Variants in PCDHGA2 observed in about 807,000 individuals in gnomAD.
The protein encoded by PCDHGA2 is protocadherin gamma subfamily A, 2, also known as protocadherin gamma-A2.
In PCDHGA2, 40 loss-of-function variants were observed where a neutral mutation model predicts 59.2. The observed-to-expected ratio is 0.68, with a 90% CI of 0.52 to 0.88. PCDHGA2 has a LOEUF of 0.88. Ranked by LOEUF, PCDHGA2 falls within the 40% of genes least tolerant of loss-of-function variation. The pLI is 0.00. For synonymous variants in PCDHGA2, 560 were observed against 526.0 expected, an observed-to-expected ratio of 1.06 and a Z score of -0.89; for missense variants, 1,226 against 1,204.0, an observed-to-expected ratio of 1.02 and a Z score of -0.27.
In PCDHGA2 at chr5:141,476,012, T is replaced by C. The variant is rs2099383969; in HGVS notation, c.2425-18795T>C. The stretch of plus-strand genomic sequence containing the variant: ...CAAATCAACGGCATCCAGAAAGCCA[T>C]GTCGGACTCGGCGCCCAGCGCCCAA... On this transcript the variant is annotated intron_variant, in intron 1 of 3. Coordinates refer to ENST00000394576, the MANE Select transcript of PCDHGA2 (RefSeq NM_018915.4). This position sits in a 1 kb window ranked among gnomAD's most constrained non-coding sequence, Gnocchi z 7.6. 7.6e-7 allele frequency: 1 copy of C among 1,317,178 alleles called. No individual in the cohort carries two copies. The highest frequency in any genetic ancestry group is 1.4e-5 in the South Asian group (1 of 69,696). The allele number at this position is 1,317,178 out of a possible 1,614,324, so 81.6% of individuals were successfully genotyped here. A position where few individuals can be genotyped will look rare whatever the true frequency, so the allele number is the denominator to read the frequency against.
chr5:141,481,970 A>G (rs2099549884), intron 1 of PCDHGA2, among the ~76,000 whole-genome samples: 1 of 151,510 alleles, frequency 6.6e-6, no homozygotes, highest in Non-Finnish European at 1.5e-5. Flanking sequence ...CTGTAGTCAC[A>G]GCTACTTGGG....
In PCDHGA2 at chr5:141,489,493, G is replaced by C. The variant is rs1485293604; in HGVS notation, c.2425-5314G>C. 3 of 1,614,078 alleles carry C rather than the reference G, an allele frequency of 1.9e-6. No homozygotes were observed. The South Asian group carries it at 3.3e-5, about 18-fold the overall frequency. On this transcript the variant is annotated intron_variant, in intron 1 of 3. Coordinates refer to ENST00000394576, the MANE Select transcript of PCDHGA2 (RefSeq NM_018915.4). This position sits in a 1 kb window ranked among gnomAD's most constrained non-coding sequence, Gnocchi z 4.5. Reference sequence around the variant, plus strand: ...CCTGAGCTTGATGAGTGGTGCCCTGGCAGTGAATCAAAAGATTGACCGAGA... The same window carrying C: ...CCTGAGCTTGATGAGTGGTGCCCTGCCAGTGAATCAAAAGATTGACCGAGA...
chr5:141,505,602 A>G lies in PCDHGA2; in HGVS notation c.2572+121A>G, dbSNP rs1041288927. 4.6e-5 allele frequency: 71 copies of G among 1,534,990 alleles called. 1 individual carries two copies. In the Admixed American group the frequency reaches 1.4e-3, roughly 30 times the overall value. On this transcript the variant is annotated intron_variant, in intron 3 of 3. Coordinates refer to ENST00000394576, the MANE Select transcript of PCDHGA2 (RefSeq NM_018915.4). ...GTGTAGTTTCTCCAGATCTTTCGGC[A>G]GGTCTGAAAGGACCCACAATTCCAA...
chr5:141,437,715 C>T (rs2097903335), intron 1 of PCDHGA2, among the ~76,000 whole-genome samples: 1 of 151,772 alleles, frequency 6.6e-6, no homozygotes, highest in Non-Finnish European at 1.5e-5. Context: ...ACACAGTTAC[C>T]CTCTAATGTT....
intron 1 of PCDHGA2, chr5:141,393,783 G>C: frequency 6.2e-7 from 1 of 1,613,982 alleles, no homozygotes. Context: ...AGCCGAAGAT[G>C]TGGGGGCACT....
In PCDHGA2 at chr5:141,487,694, AC is replaced by A. The variant is rs1296386169; in HGVS notation, c.2425-7112del. On this transcript the variant is annotated intron_variant, in intron 1 of 3. Coordinates refer to ENST00000394576, the MANE Select transcript of PCDHGA2 (RefSeq NM_018915.4). The surrounding 1 kb of genome is among the most constrained non-coding windows in gnomAD (Gnocchi z 5.0). ...ATGGCTAGGCCATGTCCTAGAGAGT[AC>A]TGGCCTCTCAGTAAGTGCCCATAGT... is the stretch of plus-strand genomic sequence containing the variant. The A allele has an allele frequency of 6.2e-7, 1 of 1,602,048 alleles. No individual in the cohort carries two copies. The highest frequency in any genetic ancestry group is 2.2e-5 in the East Asian group (1 of 44,642).
chr5:141,483,538 G>C (rs571240759), intron 1 of PCDHGA2, among the ~76,000 whole-genome samples: 1 of 152,230 alleles, frequency 6.6e-6, no homozygotes, highest in African/African-American at 2.4e-5. Flanking sequence ...AAGCTGGGTG[G>C]TTGACAGTGC....
intron 1 of PCDHGA2, chr5:141,394,079 G>A (rs375995047): frequency 5.0e-6 from 8 of 1,613,706 alleles, no homozygotes; most frequent in Non-Finnish European, 5.9e-6. Context: ...ATATCACAGT[G>A]ATGGCCTCAG....
At chr5:141,433,481 G>C (rs2097613311) in intron 1 of PCDHGA2, among the ~76,000 whole-genome samples, 1 of 152,046 alleles carries the variant, frequency 6.6e-6, no homozygotes, top group African/African-American at 2.4e-5. Flanking sequence ...CTAGCCTCCT[G>C]CTTCTCCCTC....
Position 141,498,864 on chromosome 5 carries a change from C to T in PCDHGA2, c.2483+3999C>T, listed in dbSNP as rs1370263013. Among the ~76,000 whole-genome samples the T allele has an allele frequency of 2.7e-5, 4 of 149,532 alleles. No homozygotes were observed. The East Asian group carries it at 5.9e-4, about 22-fold the overall frequency. ...AGGGGAATCGCTTGAACCCAGGAGG[C>T]GGAGGTTGCAGTGAGCTGAGATCAC... On this transcript the variant is annotated intron_variant, in intron 2 of 3. Coordinates refer to ENST00000394576, the MANE Select transcript of PCDHGA2 (RefSeq NM_018915.4).
In PCDHGA2 at chr5:141,432,198, AC is replaced by A. The variant is rs1345236539; in HGVS notation, c.2425-62608del. ...GTCTCTGTGACCGCCCACGACCCCG[AC>A]TGTGAAGAGAACGCCCAGATCACTT... is the stretch of plus-strand genomic sequence containing the variant. On this transcript the variant is annotated intron_variant, in intron 1 of 3. Coordinates refer to ENST00000394576, the MANE Select transcript of PCDHGA2 (RefSeq NM_018915.4). This position sits in a 1 kb window ranked among gnomAD's most constrained non-coding sequence, Gnocchi z 6.0. 6 of 1,613,998 alleles carry A rather than the reference AC, an allele frequency of 3.7e-6. No homozygotes were observed. Among genetic ancestry groups the A allele is most frequent in the Non-Finnish European group, 4.2e-6 (5 of 1,180,030 alleles).
intron 1 of PCDHGA2, chr5:141,372,601 T>A: frequency 7.4e-6 from 12 of 1,614,028 alleles, no homozygotes; most frequent in Non-Finnish European, 1.0e-5. Context: ...TTCAAGACTG[T>A]ACCTGGAGTT....
chr5:141,361,884 G>A (rs1017446737), intron 1 of PCDHGA2: 1 of 1,610,512 alleles, frequency 6.2e-7, no homozygotes, highest in Non-Finnish European at 8.5e-7. Flanking sequence ...GCGCCGCAGA[G>A]CCCGGCTACC....
At chr5:141,488,834 G>A (rs976460724) in intron 1 of PCDHGA2, among the ~76,000 whole-genome samples, 1 of 152,160 alleles carries the variant, frequency 6.6e-6, no homozygotes, top group Admixed American at 6.5e-5. Context: ...GCTGCCAAGG[G>A]GGCTGAATCA....
intron 1 of PCDHGA2, chr5:141,389,757 C>A: frequency 6.2e-7 from 1 of 1,612,818 alleles, no homozygotes; most frequent in East Asian, 2.2e-5. Context: ...GGGCGAAGTG[C>A]GCACAGCGCG....
At chr5:141,452,760 G>C (rs920853226) in intron 1 of PCDHGA2, among the ~76,000 whole-genome samples, 1 of 152,120 alleles carries the variant, frequency 6.6e-6, no homozygotes, top group African/African-American at 2.4e-5. Context: ...AAGGAAGGGA[G>C]GGAGGGAAAA....
intron 1 of PCDHGA2, among the ~76,000 whole-genome samples, chr5:141,460,365 A>G (rs887924740): frequency 6.6e-6 from 1 of 152,180 alleles, no homozygotes; most frequent in African/African-American, 2.4e-5. Context: ...TAGAAGTTTT[A>G]TAGTTTTACC....
rs1032814206 is a variant in PCDHGA2, at chr5:141,472,764, T to A, written c.2425-22043T>A. Among the ~76,000 whole-genome samples, 12 of 152,040 alleles carry A rather than the reference T, an allele frequency of 7.9e-5. No individual in the cohort carries two copies. The East Asian group carries it at 2.1e-3, about 27-fold the overall frequency. ...ACTTTGGGAGGCGGAGGCTGGCAGATCACCTGAGGTTGGGAGTTCAAGATC... is the reference window on the plus strand; with the variant it reads ...ACTTTGGGAGGCGGAGGCTGGCAGAACACCTGAGGTTGGGAGTTCAAGATC... On this transcript the variant is annotated intron_variant, in intron 1 of 3. Coordinates refer to ENST00000394576, the MANE Select transcript of PCDHGA2 (RefSeq NM_018915.4).
chr5:141,382,147 C>A (rs1343948050), intron 1 of PCDHGA2, among the ~76,000 whole-genome samples: 1 of 151,884 alleles, frequency 6.6e-6, no homozygotes, highest in East Asian at 1.9e-4. Context: ...ATTTTTTAAA[C>A]GGTTAAAATG....
Sources: gnomAD v4.1 joint callset for allele counts (sites outside exome capture counted in the v4.1 genomes callset) on GRCh38, gnomAD v4.1.1 for gene constraint, Gnocchi (gnomAD v3.1) non-coding constraint, MANE v1.5 for transcripts, NCBI Gene and HGNC (gene_info 2026-07-23, HGNC 2026-07-21) for gene names.